The following EVC2 variants were observed in gnomAD, a reference collection of about 807,000 sequenced individuals.
The protein encoded by EVC2 is EvC ciliary complex subunit 2.
In EVC2, 148 loss-of-function variants were observed where a neutral mutation model predicts 149.3. The ratio of observed to expected loss-of-function variants is 0.99; its 90% CI spans 0.87 to 1.14. The LOEUF (loss-of-function observed/expected upper bound fraction) is 1.14, where lower values mean the gene tolerates loss of function less well. Among genes scored for constraint, EVC2 ranks in the 50% most tolerant of loss-of-function variants. The pLI is 0.00. For missense variants in EVC2, 1,854 were observed against 1,627.3 expected, an observed-to-expected ratio of 1.14 and a Z score of -2.40; for synonymous variants, 776 against 649.9, an observed-to-expected ratio of 1.19 and a Z score of -2.95.
intron 21 of EVC2, among the ~76,000 whole-genome samples, chr4:5,554,432 G>C (rs1345607208): frequency 6.6e-6 from 1 of 152,156 alleles, no homozygotes; most frequent in Admixed American, 6.5e-5. Context: ...ATAGTCTTAG[G>C]GAGTCCCTCA....
At chr4:5,558,811 C>T (rs1721887458), downstream of EVC2, among the ~76,000 whole-genome samples, 1 of 152,126 alleles carries the variant, frequency 6.6e-6, no homozygotes, top group Non-Finnish European at 1.5e-5. Flanking sequence ...TTATCAAAAC[C>T]CTGATAATGC....
intron 16 of EVC2, 90 bp from the exon 17 acceptor site, chr4:5,584,940 C>T: frequency 7.1e-7 from 1 of 1,410,548 alleles, no homozygotes; most frequent in East Asian, 2.3e-5. Flanking sequence ...GTTCACAGAC[C>T]TGGGATTCTG....
intron 3 of EVC2, among the ~76,000 whole-genome samples, chr4:5,694,134 C>G (rs911748431): frequency 1.3e-5 from 2 of 152,194 alleles, no homozygotes; most frequent in Non-Finnish European, 2.9e-5. Context: ...TCCTCTCCAT[C>G]TAAATACTGT....
chr4:5,535,958 G>T, the EVC2 span, among the ~76,000 whole-genome samples: 2 of 152,056 alleles, frequency 1.3e-5, no homozygotes, highest in Non-Finnish European at 2.9e-5. This position sits in a 1 kb window ranked among gnomAD's most constrained non-coding sequence, Gnocchi z 4.7. Flanking sequence ...CATAGCAGGT[G>T]CTCAGTAAGT....
At chr4:5,531,620 C>T in the EVC2 span, among the ~76,000 whole-genome samples, 10 of 152,184 alleles carry the variant, frequency 6.6e-5, no homozygotes, top group South Asian at 4.2e-4. Context: ...CTGTGAACTG[C>T]ACATGCGAGG....
Position 5,689,008 on chromosome 4 carries a change from A to G in EVC2, c.706+149T>C. On this transcript the variant is annotated intron_variant, in intron 5 of 21. Coordinates refer to ENST00000344408, the MANE Select transcript of EVC2 (RefSeq NM_147127.5). ...ATGTGGTCTCTTTTCTCTTTTTTTG[A>G]TACCCTGATAGTAAGATCCACTGTG... The G allele has an allele frequency of 3.6e-6, 3 of 832,818 alleles. No individual in the cohort carries two copies. In the South Asian group the frequency reaches 4.9e-5, roughly 14 times the overall value. The allele number at this position is 832,818 out of a possible 1,614,324, so 51.6% of individuals were successfully genotyped here.
intron 9 of EVC2, among the ~76,000 whole-genome samples, chr4:5,645,291 T>G (rs10024750): frequency 6.7e-6 from 1 of 150,086 alleles, no homozygotes; most frequent in Non-Finnish European, 1.5e-5. Flanking sequence ...CAGGGGTATA[T>G]GTGTAGGTTT....
intron 9 of EVC2, among the ~76,000 whole-genome samples, chr4:5,645,125 T>C (rs936796355): frequency 2.0e-5 from 3 of 152,202 alleles, no homozygotes; most frequent in Non-Finnish European, 2.9e-5. Flanking sequence ...TCATACTGTG[T>C]GCTTCCTTTA....
chr4:5,674,180 C>G (rs1019817712), intron 7 of EVC2, among the ~76,000 whole-genome samples: 1 of 152,160 alleles, frequency 6.6e-6, no homozygotes, highest in Non-Finnish European at 1.5e-5. Flanking sequence ...CAAAGAGACC[C>G]TTGGCCTCCC....
chr4:5,573,908 G>C (rs997670894), intron 19 of EVC2, among the ~76,000 whole-genome samples: 1 of 152,212 alleles, frequency 6.6e-6, no homozygotes, highest in African/African-American at 2.4e-5. Context: ...GGGACTTGGA[G>C]GCATTTGCTT....
intron 7 of EVC2, among the ~76,000 whole-genome samples, chr4:5,673,569 C>CCA (rs1455691688): frequency 2.0e-5 from 3 of 152,214 alleles, no homozygotes; most frequent in Admixed American, 6.5e-5. Context: ...CGGCTTCCCC[C>CCA]CCAGAGTCCT....
chr4:5,618,390 C>T lies in EVC2; in HGVS notation c.2706+88G>A. The stretch of plus-strand genomic sequence containing the variant: ...AGGGGAGCATGAGGTGAGATGGGCT[C>T]AGGCTGGGGAAGAGGCCAGACCCTG... On this transcript the variant is annotated intron_variant, in intron 15 of 21. Transcript: ENST00000344408. This position sits in a 1 kb window ranked among gnomAD's most constrained non-coding sequence, Gnocchi z 4.4. 2 of 1,481,632 alleles carry T rather than the reference C, an allele frequency of 1.3e-6. No homozygotes were observed. Among genetic ancestry groups the T allele is most frequent in the Non-Finnish European group, 1.9e-6 (2 of 1,067,150 alleles). 91.8% of individuals were successfully genotyped at this position (1,481,632 alleles called of 1,614,324 possible).
intron 20 of EVC2, 39 bp downstream of exon 20, chr4:5,568,405 G>A (rs1338198932): frequency 6.5e-7 from 1 of 1,534,326 alleles, no homozygotes; most frequent in East Asian, 2.4e-5. Context: ...CTTGTGGACA[G>A]GGACGTGCCC....
intron 6 of EVC2, among the ~76,000 whole-genome samples, chr4:5,684,294 TTTTTGTTTTG>T: frequency 6.6e-6 from 1 of 152,326 alleles, no homozygotes; most frequent in East Asian, 1.9e-4. Context: ...TATCTAAGGT[TTTTTGTTTTG>T]TTTTGTTTTG....
At chr4:5,585,656 T>C (rs926459423) in intron 16 of EVC2, among the ~76,000 whole-genome samples, 3 of 152,210 alleles carry the variant, frequency 2.0e-5, no homozygotes, top group Non-Finnish European at 4.4e-5. Flanking sequence ...CACAATGTGA[T>C]AAACTTTGAC....
intron 9 of EVC2, among the ~76,000 whole-genome samples, chr4:5,641,889 T>C (rs1717355815): frequency 6.6e-6 from 1 of 152,084 alleles, no homozygotes; most frequent in Non-Finnish European, 1.5e-5. Flanking sequence ...GATATCTAGG[T>C]TTTAAGCTCC....
chr4:5,650,628 T>TAGAGAGAGAG (rs1239090686), intron 9 of EVC2, among the ~76,000 whole-genome samples: 2 of 77,356 alleles, frequency 2.6e-5, no homozygotes, highest in Non-Finnish European at 5.3e-5. Context: ...TATATATATA[T>TAGAGAGAGAG]ATATATATAT....
chr4:5,694,480 T>A lies in EVC2; in HGVS notation c.305A>T (p.Lys102Ile), dbSNP rs1210386438. The A allele has an allele frequency of 6.2e-7, 1 of 1,614,074 alleles. No homozygotes were observed. The highest frequency in any genetic ancestry group is 1.3e-5 in the African/African-American group (1 of 74,914). ...KTAVEAPLGMKLDKKMEVFIP... is the reference protein window; with the variant it reads ...KTAVEAPLGMILDKKMEVFIP... ...GAAGACTTCCATTTTCTTGTCCAATTTCATTCCAAGTGGTGCTTCCACTGC... is the reference window on the plus strand; with the variant it reads ...GAAGACTTCCATTTTCTTGTCCAATATCATTCCAAGTGGTGCTTCCACTGC... The change falls in exon 3 of 22, where the codon AAA becomes ATA. Residue 102 changes from lysine to isoleucine, a missense_variant. By Grantham distance (102) the Lys-to-Ile change is moderately radical (BLOSUM62 -3). Coordinates refer to ENST00000344408, the MANE Select transcript of EVC2 (RefSeq NM_147127.5).
chr4:5,708,018 G>A (rs1722327595), intron 1 of EVC2: 1 of 365,500 alleles, frequency 2.7e-6, no homozygotes, highest in Non-Finnish European at 4.9e-6. Flanking sequence ...CTAGGTCGAA[G>A]CTCGTAAAAT....
Sources: allele counts gnomAD v4.1 joint callset (sites outside exome capture counted in the v4.1 genomes callset), GRCh38; gene constraint gnomAD v4.1.1; non-coding constraint Gnocchi (gnomAD v3.1); transcripts MANE v1.5; gene names NCBI Gene and HGNC (gene_info 2026-07-23, HGNC 2026-07-21).